MYO1D: variants seen among roughly 807,000 people sequenced by gnomAD.
The protein encoded by MYO1D is unconventional myosin-Id.
Under a neutral mutation model 122.0 loss-of-function variants are expected in MYO1D, and 83 were observed. The ratio of observed to expected loss-of-function variants is 0.68; its 90% CI spans 0.57 to 0.82. The LOEUF (loss-of-function observed/expected upper bound fraction) is 0.82, where lower values mean the gene tolerates loss of function less well. MYO1D is among the 40% of genes least tolerant of loss of function. The pLI is 0.00. For synonymous variants in MYO1D, 464 were observed against 446.9 expected (o/e 1.04, Z -0.48); for missense variants, 1,157 against 1,269.5 (o/e 0.91, Z 1.35).
At chr17:32,553,006 G>A (rs1344361007) in intron 21 of MYO1D, among the ~76,000 whole-genome samples, 1 of 150,360 alleles carries the variant, frequency 6.7e-6, no homozygotes, top group Non-Finnish European at 1.5e-5. Flanking sequence ...GGAGGCTGAG[G>A]CAGGAGGACT....
At chr17:32,575,316 TA>T (rs1357932129) in intron 21 of MYO1D, among the ~76,000 whole-genome samples, 1 of 152,254 alleles carries the variant, frequency 6.6e-6, no homozygotes, top group Non-Finnish European at 1.5e-5. Context: ...CTCAATCCAT[TA>T]AAAAATCATT....
intron 20 of MYO1D, among the ~76,000 whole-genome samples, chr17:32,620,157 G>T (rs1026368964): frequency 6.6e-6 from 1 of 152,114 alleles, no homozygotes; most frequent in Non-Finnish European, 1.5e-5. Flanking sequence ...TGGAAACCTA[G>T]GCATGTCCCT....
chr17:32,559,943 A>G (rs1465772924), intron 21 of MYO1D, among the ~76,000 whole-genome samples: 2 of 152,184 alleles, frequency 1.3e-5, no homozygotes, highest in African/African-American at 2.4e-5. Context: ...TAGTTATCCT[A>G]TAGAAACCCT....
intron 21 of MYO1D, among the ~76,000 whole-genome samples, chr17:32,526,078 C>T (rs967166789): frequency 1.1e-4 from 16 of 152,286 alleles, no homozygotes; most frequent in African/African-American, 1.2e-4. Flanking sequence ...GGAGCCTTTC[C>T]GATCTTCCAA....
chr17:32,826,449 T>C lies in MYO1D; in HGVS notation c.96-45665A>G, dbSNP rs960034970. Among the ~76,000 whole-genome samples, 5 of 152,208 alleles carry C rather than the reference T, an allele frequency of 3.3e-5. No homozygotes were observed. The South Asian group carries it at 6.2e-4, about 19-fold the overall frequency. On this transcript the variant is annotated intron_variant, in intron 1 of 21. Transcript: ENST00000318217. ...AGCCAGCTTACTACCTTAAAAAGAA[T>C]AGGAGCTTAAATATTTAGTTGCAAA... is the stretch of plus-strand genomic sequence containing the variant.
chr17:32,678,583 T>C (rs969914384), intron 16 of MYO1D, among the ~76,000 whole-genome samples: 5 of 151,616 alleles, frequency 3.3e-5, no homozygotes, highest in Non-Finnish European at 5.9e-5. Context: ...ACAAAGGGCA[T>C]GAACTCATCA....
chr17:32,639,974 C>T (rs995477291), intron 19 of MYO1D, among the ~76,000 whole-genome samples: 1 of 152,062 alleles, frequency 6.6e-6, no homozygotes, highest in Non-Finnish European at 1.5e-5. Context: ...TTAAGATTGG[C>T]AGGATGGAAC....
intron 1 of MYO1D, among the ~76,000 whole-genome samples, chr17:32,842,499 T>C (rs996729333): frequency 1.3e-5 from 2 of 152,194 alleles, no homozygotes; most frequent in East Asian, 3.8e-4. Flanking sequence ...AGATACTTTA[T>C]ACACTTTAAG....
chr17:32,594,773 A>T (rs1297591936), intron 21 of MYO1D, among the ~76,000 whole-genome samples: 1 of 152,136 alleles, frequency 6.6e-6, no homozygotes, highest in African/African-American at 2.4e-5. Context: ...TGTAGCCAAA[A>T]TCATTTATCA....
intron 12 of MYO1D, among the ~76,000 whole-genome samples, chr17:32,748,381 T>C (rs945893160): frequency 2.0e-5 from 3 of 152,082 alleles, no homozygotes; most frequent in African/African-American, 7.2e-5. Context: ...CTCTCCCCTC[T>C]TCCTAATTCA....
chr17:32,631,667 C>T (rs888697522), intron 20 of MYO1D, among the ~76,000 whole-genome samples: 2 of 151,604 alleles, frequency 1.3e-5, no homozygotes, highest in Non-Finnish European at 2.9e-5. Flanking sequence ...AAAAGGTAGT[C>T]TGAACAACTG....
intron 1 of MYO1D, among the ~76,000 whole-genome samples, chr17:32,857,300 C>T (rs2091034624): frequency 6.6e-6 from 1 of 152,066 alleles, no homozygotes; most frequent in Non-Finnish European, 1.5e-5. Context: ...TTTAAGAATC[C>T]TTTGGCCGGG....
intron 21 of MYO1D, among the ~76,000 whole-genome samples, chr17:32,583,355 CATG>C (rs1487082065): frequency 1.3e-5 from 2 of 152,094 alleles, no homozygotes; most frequent in African/African-American, 4.8e-5. Context: ...TAGTTTTCTT[CATG>C]ATTTTTTTTG....
At chr17:32,790,799 T>C (rs1001521584) in intron 1 of MYO1D, among the ~76,000 whole-genome samples, 1 of 151,988 alleles carries the variant, frequency 6.6e-6, no homozygotes, top group South Asian at 2.1e-4. Flanking sequence ...GAGGAAGAAA[T>C]AGGTATGCAC....
chr17:32,531,419 C>T (rs1280131866), intron 21 of MYO1D: 1 of 152,168 alleles, frequency 6.6e-6, no homozygotes, highest in Non-Finnish European at 1.5e-5. Flanking sequence ...CTTAAAGTCC[C>T]CAGGGTCCTG....
At chr17:32,740,806 A>G (rs1413595954) in intron 13 of MYO1D, among the ~76,000 whole-genome samples, 1 of 152,204 alleles carries the variant, frequency 6.6e-6, no homozygotes, top group Admixed American at 6.5e-5. Context: ...AGTTTTCAAC[A>G]TATTTTAAAT....
intron 21 of MYO1D, among the ~76,000 whole-genome samples, chr17:32,568,519 C>T (rs370591818): frequency 6.6e-6 from 1 of 152,220 alleles, no homozygotes; most frequent in South Asian, 2.1e-4. Flanking sequence ...AACCTATCAA[C>T]CCCCTTTGCA....
chr17:32,518,841 C>T (rs866900121), intron 21 of MYO1D: 1 of 152,292 alleles, frequency 6.6e-6, no homozygotes, highest in South Asian at 2.1e-4. Flanking sequence ...TCCCCTCCCC[C>T]CGAATAACGA....
intron 21 of MYO1D, among the ~76,000 whole-genome samples, chr17:32,593,424 G>A (rs984178838): frequency 2.0e-5 from 3 of 152,144 alleles, no homozygotes; most frequent in African/African-American, 7.2e-5. Context: ...TGACAACTTG[G>A]TTGGGCATAC....
Sources: gnomAD v4.1 joint callset for allele counts (sites outside exome capture counted in the v4.1 genomes callset) on GRCh38, gnomAD v4.1.1 for gene constraint, MANE v1.5 for transcripts, NCBI Gene and HGNC (gene_info 2026-07-23, HGNC 2026-07-21) for gene names.